Variants in TGFA observed in about 807,000 individuals in gnomAD.
The protein encoded by TGFA is transforming growth factor alpha.
TGFA carries 12 observed loss-of-function variants against 21.7 expected under a neutral mutation model. The ratio of observed to expected loss-of-function variants is 0.55; its 90% confidence interval spans 0.35 to 0.90. The LOEUF (loss-of-function observed/expected upper bound fraction) is 0.90, where lower values mean the gene tolerates loss of function less well. Among genes scored for constraint, TGFA ranks in the 40% least tolerant of loss-of-function variants. TGFA has a pLI of 0.01. For synonymous variants in TGFA, 79 were observed against 88.1 expected, an observed-to-expected ratio of 0.90 and a Z score of 0.58; for missense variants, 178 against 210.8, an observed-to-expected ratio of 0.84 and a Z score of 0.96.
intron 2 of TGFA, among the ~76,000 whole-genome samples, chr2:70,503,787 C>T (rs1007940960): frequency 4.6e-5 from 7 of 152,202 alleles, no homozygotes; most frequent in African/African-American, 1.7e-4. Flanking sequence ...GGAAATCAAG[C>T]GATCCATTTG....
chr2:70,503,992 G>A (rs1322665528), intron 2 of TGFA, among the ~76,000 whole-genome samples: 1 of 152,152 alleles, frequency 6.6e-6, no homozygotes. Flanking sequence ...GTCAATTCAC[G>A]AAAAGACTCT....
chr2:70,539,569 C>G (rs1673077209), intron 1 of TGFA, among the ~76,000 whole-genome samples: 1 of 152,192 alleles, frequency 6.6e-6, no homozygotes. Flanking sequence ...ATTCTCCTGT[C>G]TCAGCTTCTC....
At chr2:70,504,984 G>A (rs1278761010) in intron 2 of TGFA, among the ~76,000 whole-genome samples, 2 of 152,182 alleles carry the variant, frequency 1.3e-5, no homozygotes, top group Non-Finnish European at 2.9e-5. Context: ...GTAAAATGGA[G>A]CTAATAGTAG....
chr2:70,520,593 T>TA (rs554323155), intron 1 of TGFA, among the ~76,000 whole-genome samples: 8 of 152,058 alleles, frequency 5.3e-5, no homozygotes, highest in African/African-American at 1.9e-4. Context: ...GCAAATTAAG[T>TA]AAAAAAAGAG....
intron 3 of TGFA, among the ~76,000 whole-genome samples, chr2:70,462,316 G>A (rs1670427568): frequency 6.6e-6 from 1 of 152,240 alleles, no homozygotes; most frequent in Non-Finnish European, 1.5e-5. Flanking sequence ...GAGCTCACAA[G>A]CCATCAGGGG....
chr2:70,481,347 A>T (rs1286149285), intron 2 of TGFA, among the ~76,000 whole-genome samples: 1 of 152,196 alleles, frequency 6.6e-6, no homozygotes, highest in Non-Finnish European at 1.5e-5. Context: ...TAGTACTGGC[A>T]TTCTATTTGG....
intron 2 of TGFA, among the ~76,000 whole-genome samples, chr2:70,501,387 G>T (rs902191283): frequency 1.3e-5 from 2 of 151,836 alleles, no homozygotes; most frequent in African/African-American, 4.8e-5. Context: ...ATGGTTTGCA[G>T]TTCTATTTGT....
intron 1 of TGFA, among the ~76,000 whole-genome samples, chr2:70,525,798 G>A (rs189500014): frequency 2.8e-4 from 42 of 152,248 alleles, no homozygotes; most frequent in African/African-American, 9.1e-4. Flanking sequence ...TGCCCCTTAG[G>A]GAGCATCTGA....
intron 4 of TGFA, among the ~76,000 whole-genome samples, chr2:70,456,123 C>T (rs1490674139): frequency 6.6e-6 from 1 of 152,372 alleles, no homozygotes; most frequent in South Asian, 2.1e-4. Context: ...ACCAACCCCC[C>T]AGCTGGGGAT....
In TGFA at chr2:70,454,813, A is replaced by G. The variant is rs3771520; in HGVS notation, c.366-1486T>C. On this transcript the variant is annotated intron_variant, in intron 4 of 5. Coordinates refer to ENST00000295400, the MANE Select transcript of TGFA (RefSeq NM_003236.4). ...GGGACTGGCCGCCTCCCTGGAAATG[A>G]GAGATGCTGTCTAGGCACCTAGATC... Among the ~76,000 whole-genome samples, 15 of 152,308 alleles carry G rather than the reference A, an allele frequency of 9.8e-5. No individual in the cohort carries two copies. The East Asian group carries it at 2.9e-3, about 29-fold the overall frequency.
intron 1 of TGFA, among the ~76,000 whole-genome samples, chr2:70,529,909 G>C (rs1672766333): frequency 6.6e-6 from 1 of 152,220 alleles, no homozygotes; most frequent in Non-Finnish European, 1.5e-5. Context: ...TGGGACATGA[G>C]AGTTGTCAGA....
At chr2:70,464,841 C>G (rs1670502048) in intron 3 of TGFA, among the ~76,000 whole-genome samples, 1 of 152,180 alleles carries the variant, frequency 6.6e-6, no homozygotes, top group African/African-American at 2.4e-5. Flanking sequence ...AGTAGCAGAT[C>G]CCCTGAGCAT....
intron 3 of TGFA, among the ~76,000 whole-genome samples, chr2:70,464,147 G>A (rs181563397): frequency 1.1e-4 from 16 of 152,324 alleles, no homozygotes; most frequent in South Asian, 8.3e-4. Flanking sequence ...GGCTCTCCTG[G>A]TCCCCAGGCT....
At chr2:70,552,406 T>C (rs1402307057) in intron 1 of TGFA, among the ~76,000 whole-genome samples, 2 of 152,250 alleles carry the variant, frequency 1.3e-5, no homozygotes, top group African/African-American at 4.8e-5. Context: ...AAGCTTCCCT[T>C]GTATTGGTAA....
At chr2:70,487,709 T>C (rs1177705785) in intron 2 of TGFA, among the ~76,000 whole-genome samples, 1 of 152,238 alleles carries the variant, frequency 6.6e-6, no homozygotes, top group Admixed American at 6.5e-5. Flanking sequence ...ATCTAATATA[T>C]ACTGTTTAAC....
chr2:70,491,544 A>C lies in TGFA; in HGVS notation c.94+23315T>G, dbSNP rs188216997. Among the ~76,000 whole-genome samples the C allele has an allele frequency of 1.9e-4, 29 of 152,332 alleles. 1 individual carries two copies. The highest frequency in any genetic ancestry group is 7.2e-4 in the Admixed American group (11 of 15,308). ...CTATATGAAACTTGGTTTTTAAAAA[A>C]GTTCATTCCCTTTATCTTTTTGAAA... On this transcript the variant is annotated intron_variant, in intron 2 of 5. Coordinates refer to ENST00000295400, the MANE Select transcript of TGFA (RefSeq NM_003236.4).
At chr2:70,501,947 T>C (rs114085687) in intron 2 of TGFA, among the ~76,000 whole-genome samples, 548 of 152,340 alleles carry the variant, frequency 3.6e-3, no homozygotes, top group African/African-American at 0.012. Context: ...AGTGAGAACA[T>C]GACTTCCTCA....
intron 1 of TGFA, among the ~76,000 whole-genome samples, chr2:70,532,021 G>C (rs782366787): frequency 1.3e-5 from 2 of 152,148 alleles, no homozygotes; most frequent in East Asian, 3.9e-4. Context: ...AATGAAAGTG[G>C]ATTCTTTTCC....
chr2:70,492,836 G>GA (rs1465535519), intron 2 of TGFA, among the ~76,000 whole-genome samples: 1 of 151,996 alleles, frequency 6.6e-6, no homozygotes, highest in Admixed American at 6.6e-5. Flanking sequence ...AATGTGCTCT[G>GA]AAAAACAAAG....
Sources: gnomAD v4.1 joint callset for allele counts (sites outside exome capture counted in the v4.1 genomes callset) on GRCh38, gnomAD v4.1.1 for gene constraint, MANE v1.5 for transcripts, NCBI Gene and HGNC (gene_info 2026-07-23, HGNC 2026-07-21) for gene names.